The following ZFR2 variants were observed in gnomAD, a reference collection of about 807,000 sequenced individuals.
ZFR2 encodes the protein zinc finger RNA-binding protein 2.
ZFR2 carries 104 observed loss-of-function variants against 105.7 expected under a neutral mutation model. The ratio of observed to expected loss-of-function variants is 0.98; its 90% CI spans 0.84 to 1.16. The LOEUF (loss-of-function observed/expected upper bound fraction) is 1.16, where lower values mean the gene tolerates loss of function less well. Ranked by LOEUF, ZFR2 falls within the 50% of genes most tolerant of loss-of-function variation. The pLI is 0.00. For synonymous variants in ZFR2, 634 were observed against 597.7 expected (o/e 1.06, Z -0.89); for missense variants, 1,425 against 1,355.5 (o/e 1.05, Z -0.80).
intron 14 of ZFR2, among the ~76,000 whole-genome samples, chr19:3,812,187 G>A (rs902425725): frequency 1.3e-5 from 2 of 151,634 alleles, no homozygotes; most frequent in African/African-American, 4.8e-5. Flanking sequence ...CAGGTGATCC[G>A]CCGGCCTTGG....
chr19:3,864,215 T>C (rs2038405256), intron 1 of ZFR2, among the ~76,000 whole-genome samples: 1 of 151,818 alleles, frequency 6.6e-6, no homozygotes, highest in Admixed American at 6.6e-5. Flanking sequence ...ACCCTATCTC[T>C]ACAAAAATAA....
chr19:3,862,888 C>T (rs1212390267), intron 1 of ZFR2, among the ~76,000 whole-genome samples: 2 of 152,222 alleles, frequency 1.3e-5, no homozygotes, highest in Admixed American at 6.5e-5. Context: ...CAGGGTCGTG[C>T]TCCCTGGAAA....
At chr19:3,814,894 C>T (rs890170315) in intron 13 of ZFR2, among the ~76,000 whole-genome samples, 15 of 152,134 alleles carry the variant, frequency 9.9e-5, no homozygotes, top group Admixed American at 3.9e-4. Flanking sequence ...CCTCCTTGCT[C>T]TGGGCCTCCT....
intron 13 of ZFR2, 118 bp from the exon 14 acceptor site, chr19:3,814,076 C>T (rs1197172479): frequency 2.7e-6 from 4 of 1,462,614 alleles, no homozygotes; most frequent in Non-Finnish European, 2.8e-6. Flanking sequence ...ACACTTGCTG[C>T]CTGGGTGCCG....
chr19:3,868,753 C>T (rs1381632800), intron 1 of ZFR2, among the ~76,000 whole-genome samples: 1 of 152,104 alleles, frequency 6.6e-6, no homozygotes, highest in Non-Finnish European at 1.5e-5. Context: ...ACGTCTCAGC[C>T]GGAGCCCCGG....
chr19:3,816,586 C>T, intron 13 of ZFR2, 88 bp downstream of exon 13: 1 of 1,482,166 alleles, frequency 6.7e-7, no homozygotes, highest in African/African-American at 1.4e-5. Context: ...TAACAAAGGT[C>T]CCCTGCCATC....
chr19:3,810,979 A>T, intron 15 of ZFR2, 134 bp from the exon 16 acceptor site: 1 of 1,007,952 alleles, frequency 9.9e-7, no homozygotes. Flanking sequence ...GGCGGGTGGA[A>T]ACAGAGTCCA....
rs1402278045 is a variant in ZFR2, at chr19:3,819,170, G to T, written c.1806C>A (p.Pro602=). ...GCACGGCCAGGAGCTCCTGCTCCGT[G>T]GGGTAGATGGTGGCGTGCTTGCACA... is the stretch of plus-strand genomic sequence containing the variant. The part of the protein sequence containing the change: ...HVMCKHATIY[P]TEQELLAVQR... The change falls in exon 12 of 19, where the codon CCC becomes CCA. Residue 602 remains proline, a synonymous_variant. Transcript: ENST00000262961. The T allele has an allele frequency of 6.3e-7, 1 of 1,599,170 alleles. No homozygotes were observed.
At chr19:3,867,182 A>G (rs2038440881) in intron 1 of ZFR2, among the ~76,000 whole-genome samples, 1 of 152,116 alleles carries the variant, frequency 6.6e-6, no homozygotes, top group African/African-American at 2.4e-5. Flanking sequence ...AGGCCCCTCT[A>G]TGAGGTGCCC....
At chr19:3,842,973 A>G (rs1420066068) in intron 1 of ZFR2, among the ~76,000 whole-genome samples, 1 of 152,152 alleles carries the variant, frequency 6.6e-6, no homozygotes, top group African/African-American at 2.4e-5. Flanking sequence ...GCAGAAGGGA[A>G]AATGTAATGG....
At chr19:3,867,987 G>C (rs1011843150) in intron 1 of ZFR2, among the ~76,000 whole-genome samples, 4 of 149,302 alleles carry the variant, frequency 2.7e-5, no homozygotes, top group African/African-American at 7.4e-5. Context: ...CTCGAATGTT[G>C]CTGCCCCCTG....
chr19:3,835,929 A>G (rs934600210), intron 1 of ZFR2, among the ~76,000 whole-genome samples: 5 of 151,228 alleles, frequency 3.3e-5, no homozygotes, highest in Non-Finnish European at 5.9e-5. Context: ...CTCCAGCCTG[A>G]GCAACAGAGT....
chr19:3,854,368 G>C (rs2038274293), intron 1 of ZFR2, among the ~76,000 whole-genome samples: 1 of 150,208 alleles, frequency 6.7e-6, no homozygotes, highest in Middle Eastern at 3.4e-3. Flanking sequence ...ACTCCAGGCT[G>C]GGTGACAGAG....
At chr19:3,808,787 AC>A in intron 17 of ZFR2, 84 bp downstream of exon 17, 1 of 1,116,222 alleles carries the variant, frequency 9.0e-7, no homozygotes, top group South Asian at 1.6e-5. Flanking sequence ...TGTGTCTGTG[AC>A]CCCAGCTCTC....
intron 16 of ZFR2, among the ~76,000 whole-genome samples, chr19:3,809,931 C>A (rs1037977640): frequency 6.6e-6 from 1 of 151,980 alleles, no homozygotes; most frequent in South Asian, 2.1e-4. Context: ...GCAACAAGAG[C>A]GAGACTCCAT....
rs1022184094 is a variant in ZFR2, at chr19:3,834,651, C to T, written c.264+122G>A. 64 of 1,107,448 alleles carry T rather than the reference C, an allele frequency of 5.8e-5. No homozygotes were observed. In the South Asian group the frequency reaches 8.4e-4, roughly 15 times the overall value. The allele number at this position is 1,107,448 out of a possible 1,614,324, so 68.6% of individuals were successfully genotyped here. A position where few individuals can be genotyped will look rare whatever the true frequency, so the allele number is the denominator to read the frequency against. ...GTACGCAATGCCAGCAGAAGGGTCCCGAAGGAAGGATCACGGTTAAGAGGC... is the reference window on the plus strand; with the variant it reads ...GTACGCAATGCCAGCAGAAGGGTCCTGAAGGAAGGATCACGGTTAAGAGGC... On this transcript the variant is annotated intron_variant, in intron 2 of 18. Coordinates refer to ENST00000262961, the MANE Select transcript of ZFR2 (RefSeq NM_015174.2). This position sits in a 1 kb window ranked among gnomAD's most constrained non-coding sequence, Gnocchi z 5.3.
chr19:3,834,893 G>A lies in ZFR2; in HGVS notation c.144C>T (p.Ala48=). Residue 48 remains alanine (A), a synonymous_variant, in exon 2 of 19, where the codon GCC becomes GCT. Coordinates refer to ENST00000262961, the MANE Select transcript of ZFR2 (RefSeq NM_015174.2). This position sits in a 1 kb window ranked among gnomAD's most constrained non-coding sequence, Gnocchi z 5.3. ...ACCCTGCCGGGGCAGCTGGGGGAAA[G>A]GCCGGGTTCACGGCAGGGTCCATCC... is the stretch of plus-strand genomic sequence containing the variant. ...TPGMDPAVNP[A]FPPAAPAGYG... The A allele has an allele frequency of 6.2e-7, 1 of 1,612,028 alleles. No homozygotes were observed. The highest frequency in any genetic ancestry group is 8.5e-7 in the Non-Finnish European group (1 of 1,179,172).
intron 1 of ZFR2, chr19:3,856,836 T>C (rs1440846342): frequency 6.6e-6 from 1 of 152,116 alleles, no homozygotes; most frequent in Non-Finnish European, 1.5e-5. Flanking sequence ...GTTCAAGCGA[T>C]TCTCCTGCCT....
At position 3,852,341 on chromosome 19, in the gene ZFR2, GCTCTC is replaced by G. The variant is rs1404270240; in HGVS notation, c.53+16619_53+16623del. On this transcript the variant is annotated intron_variant, in intron 1 of 18. Transcript: ENST00000262961. ...GGTGGAGGTGGGCCTCAGCTGGGTGGCTCTCCTGACCATGGCTGGGCTTCTCTGCC... is the reference window on the plus strand; with the variant it reads ...GGTGGAGGTGGGCCTCAGCTGGGTGGCTGACCATGGCTGGGCTTCTCTGCC... The G allele has an allele frequency of 1.1e-5, 7 of 634,540 alleles. No individual in the cohort carries two copies. The Admixed American group carries it at 1.3e-4, about 12-fold the overall frequency. 39.3% of individuals were successfully genotyped at this position (634,540 alleles called of 1,614,324 possible). A position where few individuals can be genotyped will look rare whatever the true frequency, so the allele number is the denominator to read the frequency against.
Sources: allele counts gnomAD v4.1 joint callset (sites outside exome capture counted in the v4.1 genomes callset), GRCh38; gene constraint gnomAD v4.1.1; non-coding constraint Gnocchi (gnomAD v3.1); transcripts MANE v1.5; gene names NCBI Gene and HGNC (gene_info 2026-07-23, HGNC 2026-07-21).